The following DIP2C variants were observed in gnomAD, a reference collection of about 807,000 sequenced individuals.
DIP2C encodes the protein disco-interacting protein 2 homolog C.
Under a neutral mutation model 192.4 loss-of-function variants are expected in DIP2C, and 33 were observed. That is an observed-to-expected ratio of 0.17 (90% CI 0.13 to 0.23). DIP2C has a LOEUF of 0.23. Among genes scored for constraint, DIP2C ranks in the 10% least tolerant of loss-of-function variants. The pLI is 1.00. For missense variants in DIP2C, 1,537 were observed against 2,110.1 expected, an observed-to-expected ratio of 0.73 and a Z score of 5.32; for synonymous variants, 979 against 864.1, an observed-to-expected ratio of 1.13 and a Z score of -2.33.
At chr10:413,189 T>C (rs1208070153) in intron 8 of DIP2C, among the ~76,000 whole-genome samples, 1 of 152,202 alleles carries the variant, frequency 6.6e-6, no homozygotes, top group Non-Finnish European at 1.5e-5. Context: ...AGCCTGACAA[T>C]CTGCCCCTCC....
chr10:341,061 G>T, intron 29 of DIP2C, 138 bp downstream of exon 29: 1 of 1,222,960 alleles, frequency 8.2e-7, no homozygotes, highest in Non-Finnish European at 1.2e-6. Flanking sequence ...AGAAGTAGAG[G>T]GACACGGGTA....
rs1285673695 is a variant in DIP2C at position 465,643 on chromosome 10, T to C, written c.268+6796A>G. Among the ~76,000 whole-genome samples, 9 of 152,082 alleles carry C rather than the reference T, an allele frequency of 5.9e-5. No homozygotes were observed. The East Asian group carries it at 7.7e-4, about 13-fold the overall frequency. On this transcript the variant is annotated intron_variant, in intron 3 of 36. Transcript: ENST00000280886. ...TGATTGTTTATCTAGAAAACCCCAT[T>C]GTCTCAGCCCAAAATCTCCTTAAGC...
chr10:401,688 T>G (rs1285590156), intron 9 of DIP2C, among the ~76,000 whole-genome samples: 1 of 148,958 alleles, frequency 6.7e-6, no homozygotes, highest in African/African-American at 2.5e-5. Context: ...GCATTAGCAT[T>G]ACTCTTCCTT....
intron 1 of DIP2C, among the ~76,000 whole-genome samples, chr10:571,038 G>T (rs990211272): frequency 6.6e-6 from 1 of 152,234 alleles, no homozygotes; most frequent in Non-Finnish European, 1.5e-5. Context: ...CGCTGGACCG[G>T]CACTGGCCTA....
intron 1 of DIP2C, among the ~76,000 whole-genome samples, chr10:586,836 G>GC (rs527374816): frequency 1.4e-5 from 2 of 144,218 alleles, no homozygotes; most frequent in Non-Finnish European, 3.0e-5. Context: ...ATCAAATGCT[G>GC]CCCCCCACAT....
chr10:673,133 A>C (rs1174849978), intron 1 of DIP2C, among the ~76,000 whole-genome samples: 4 of 152,146 alleles, frequency 2.6e-5, no homozygotes, highest in Admixed American at 1.3e-4. Context: ...CCCACCCCAG[A>C]GCACCCAGGA....
chr10:641,396 C>G (rs994679853), intron 1 of DIP2C, among the ~76,000 whole-genome samples: 1 of 152,178 alleles, frequency 6.6e-6, no homozygotes, highest in Non-Finnish European at 1.5e-5. Context: ...TCTCTGCTCC[C>G]GAGGCTACAT....
At chr10:455,090 T>C (rs938584677) in intron 3 of DIP2C, among the ~76,000 whole-genome samples, 6 of 152,164 alleles carry the variant, frequency 3.9e-5, no homozygotes, top group African/African-American at 1.4e-4. Context: ...GAAGAGAATG[T>C]TCCTCCAAGG....
intron 1 of DIP2C, among the ~76,000 whole-genome samples, chr10:621,385 C>T (rs1435303579): frequency 6.6e-6 from 1 of 151,464 alleles, no homozygotes; most frequent in African/African-American, 2.4e-5. Context: ...GCACACACCA[C>T]CCCCGGGGTG....
At chr10:415,679 A>G in intron 7 of DIP2C, 90 bp downstream of exon 7, 1 of 1,544,968 alleles carries the variant, frequency 6.5e-7, no homozygotes, top group African/African-American at 1.4e-5. Flanking sequence ...ACTGCTCTTA[A>G]AAAGTAAAAT....
At chr10:681,120 G>A (rs762271987) in intron 1 of DIP2C, among the ~76,000 whole-genome samples, 19 of 148,848 alleles carry the variant, frequency 1.3e-4, no homozygotes, top group Non-Finnish European at 1.2e-4. Flanking sequence ...CAGAAATTCC[G>A]AGGAATGCAG....
intron 24 of DIP2C, among the ~76,000 whole-genome samples, chr10:350,227 G>A (rs1247060742): frequency 6.6e-6 from 1 of 152,116 alleles, no homozygotes; most frequent in South Asian, 2.1e-4. Context: ...GACTACAGGT[G>A]CCACCATCAT....
At chr10:555,802 ACT>A (rs1003107365) in intron 1 of DIP2C, among the ~76,000 whole-genome samples, 1 of 152,034 alleles carries the variant, frequency 6.6e-6, no homozygotes, top group African/African-American at 2.4e-5. Context: ...GCAGGATGCC[ACT>A]CTCAAGCCAC....
At chr10:523,190 C>CAA (rs1487186815) in intron 1 of DIP2C, among the ~76,000 whole-genome samples, 2 of 149,980 alleles carry the variant, frequency 1.3e-5, no homozygotes, top group Admixed American at 6.6e-5. Flanking sequence ...CTCTGACCCA[C>CAA]AAGCTCGTTT....
intron 3 of DIP2C, 40 bp downstream of exon 3, chr10:472,399 T>C: frequency 6.3e-7 from 1 of 1,575,734 alleles, no homozygotes; most frequent in South Asian, 1.1e-5. Flanking sequence ...CTGGCACAGG[T>C]GGCAGATGGA....
rs1337412091 is a variant in DIP2C, at chr10:651,073, T to C, written c.85+38421A>G. The C allele has an allele frequency of 1.4e-6, 1 of 717,250 alleles. No individual in the cohort carries two copies. The highest frequency in any genetic ancestry group is 2.6e-6 in the Non-Finnish European group (1 of 385,092). The allele number at this position is 717,250 out of a possible 1,614,324, so 44.4% of individuals were successfully genotyped here. A position where few individuals can be genotyped will look rare whatever the true frequency, so the allele number is the denominator to read the frequency against. Reference sequence around the variant, plus strand: ...CTAGCCCCTGCCACCCCTCCTGCTCTTGTCTCTCCCACACCTCCCAAACTC... The same window carrying C: ...CTAGCCCCTGCCACCCCTCCTGCTCCTGTCTCTCCCACACCTCCCAAACTC... On this transcript the variant is annotated intron_variant, in intron 1 of 36. Coordinates refer to ENST00000280886, the MANE Select transcript of DIP2C (RefSeq NM_014974.3). This position sits in a 1 kb window ranked among gnomAD's most constrained non-coding sequence, Gnocchi z 4.1.
intron 1 of DIP2C, among the ~76,000 whole-genome samples, chr10:639,290 G>A (rs1206921656): frequency 2.8e-5 from 4 of 142,446 alleles, no homozygotes; most frequent in African/African-American, 8.0e-5. Flanking sequence ...GTGGGGACGC[G>A]TCAGGTCGGG....
intron 1 of DIP2C, among the ~76,000 whole-genome samples, chr10:584,379 C>T (rs569531905): frequency 1.3e-5 from 2 of 152,224 alleles, no homozygotes; most frequent in South Asian, 4.2e-4. Flanking sequence ...TCGGAGCCCA[C>T]GACCTGACAC....
At chr10:535,775 G>C (rs1847661531) in intron 1 of DIP2C, among the ~76,000 whole-genome samples, 1 of 152,176 alleles carries the variant, frequency 6.6e-6, no homozygotes, top group South Asian at 2.1e-4. Flanking sequence ...GGAGCCTATA[G>C]GTTTGGTTCA....
Sources: gnomAD v4.1 joint callset for allele counts (sites outside exome capture counted in the v4.1 genomes callset) on GRCh38, gnomAD v4.1.1 for gene constraint, Gnocchi (gnomAD v3.1) non-coding constraint, MANE v1.5 for transcripts, NCBI Gene and HGNC (gene_info 2026-07-23, HGNC 2026-07-21) for gene names.